ERCC6: variants seen among roughly 807,000 people sequenced by gnomAD.
The protein encoded by ERCC6 is ERCC excision repair 6, chromatin remodeling factor.
In ERCC6, 116 loss-of-function variants were observed where a neutral mutation model predicts 158.7. That is an observed-to-expected ratio of 0.73 (90% CI 0.63 to 0.85). The LOEUF is 0.85. ERCC6 is among the 40% of genes least tolerant of loss of function. The pLI is 0.00. For missense variants in ERCC6, 1,698 were observed against 1,799.4 expected (o/e 0.94, Z 1.02); for synonymous variants, 678 against 659.3 (o/e 1.03, Z -0.43).
chr10:49,510,720 G>C (rs1256289391), intron 5 of ERCC6, among the ~76,000 whole-genome samples: 1 of 152,186 alleles, frequency 6.6e-6, no homozygotes, highest in Non-Finnish European at 1.5e-5. Context: ...AGTGCTGAAT[G>C]AATGAATGAA....
chr10:49,527,663 C>T (rs1156556907), intron 4 of ERCC6, among the ~76,000 whole-genome samples: 1 of 152,118 alleles, frequency 6.6e-6, no homozygotes, highest in African/African-American at 2.4e-5. Context: ...GCAACAAGAA[C>T]GAAACTCTGT....
In ERCC6 at chr10:49,470,243, C is replaced by T. The variant is rs1205401877; in HGVS notation, c.3717G>A (p.Lys1239=). The change falls in exon 18 of 21, where the codon AAG becomes AAA. Residue 1239 remains lysine (K), a synonymous_variant. Coordinates refer to ENST00000355832, the MANE Select transcript of ERCC6 (RefSeq NM_000124.4). ...RRYQKQDSEN[K]SEAKEQSNDD... ...CATTGCTCTGTTCCTTGGCCTCACTCTTGTTTTCACTGTCTTGCTTCTGGT... is the reference window on the plus strand; with the variant it reads ...CATTGCTCTGTTCCTTGGCCTCACTTTTGTTTTCACTGTCTTGCTTCTGGT... 1 of 1,614,174 alleles carries T rather than the reference C, an allele frequency of 6.2e-7. No homozygotes were observed. The highest frequency in any genetic ancestry group is 2.2e-5 in the East Asian group (1 of 44,884).
At chr10:49,440,820 T>A in the ERCC6 span, among the ~76,000 whole-genome samples, 2 of 152,156 alleles carry the variant, frequency 1.3e-5, no homozygotes, top group Admixed American at 1.3e-4. Context: ...GCAGGCATGG[T>A]GGGCACTACT....
At position 49,458,444 on chromosome 10, in the gene ERCC6, C is replaced by A; in HGVS notation, c.*371G>T. ...GACTGAATGTAAGACCTGTTTTTAG[C>A]ACCAATAAAAAAAAATATTGAGATT... On this transcript the variant is annotated 3_prime_UTR_variant, in exon 21 of 21. Transcript: ENST00000355832. 1 of 255,896 alleles carries A rather than the reference C, an allele frequency of 3.9e-6. No homozygotes were observed. The highest frequency in any genetic ancestry group is 4.8e-5 in the South Asian group (1 of 20,730). 15.9% of individuals were successfully genotyped at this position (255,896 alleles called of 1,614,324 possible).
At chr10:49,491,651 C>A (rs1190207905) in intron 8 of ERCC6, among the ~76,000 whole-genome samples, 2 of 152,132 alleles carry the variant, frequency 1.3e-5, no homozygotes. Context: ...GTGGTTTACA[C>A]GAAGGCAGTT....
rs550859881 is a variant in ERCC6 at position 49,527,861 on chromosome 10, CAT to C, written c.652+554_652+555del. ...CCAACAATTTGTACACACACACACACATACACACACACAATGACTGCAAAGAT... is the reference window on the plus strand; with the variant it reads ...CCAACAATTTGTACACACACACACACACACACACACAATGACTGCAAAGAT... On this transcript the variant is annotated intron_variant, in intron 4 of 20. Transcript: ENST00000355832. 2.5e-4 allele frequency among the ~76,000 whole-genome samples: 38 copies of C among 152,286 alleles called. 1 individual carries two copies. Among genetic ancestry groups the C allele is most frequent in the South Asian group, 1.9e-3 (9 of 4,824 alleles).
intron 5 of ERCC6, among the ~76,000 whole-genome samples, chr10:49,518,057 T>C (rs1335803377): frequency 1.3e-5 from 2 of 152,190 alleles, no homozygotes; most frequent in Non-Finnish European, 2.9e-5. Flanking sequence ...CAGCCTAAAA[T>C]TGCTAAATCC....
chr10:49,488,636 C>T (rs1017842060), intron 8 of ERCC6, among the ~76,000 whole-genome samples: 1 of 147,002 alleles, frequency 6.8e-6, no homozygotes, highest in African/African-American at 2.5e-5. Context: ...ATAATGTGGC[C>T]TCTTTCTTTT....
chr10:49,441,351 G>C, the ERCC6 span, among the ~76,000 whole-genome samples: 1 of 152,170 alleles, frequency 6.6e-6, no homozygotes, highest in Non-Finnish European at 1.5e-5. Context: ...TATGGAGGCC[G>C]AGGAAAACCC....
intron 8 of ERCC6, chr10:49,488,147 GC>G (rs1372603492): frequency 4.6e-6 from 1 of 216,148 alleles, no homozygotes; most frequent in Non-Finnish European, 9.9e-6. Context: ...TCTGCAATTA[GC>G]CTGACTTACT....
At position 49,512,549 on chromosome 10, in the gene ERCC6, C is replaced by T. The variant is rs150405562; in HGVS notation, c.1398-6537G>A. Among the ~76,000 whole-genome samples the T allele has an allele frequency of 2.9e-3, 435 of 152,240 alleles. 6 individuals are homozygous for T. The highest frequency in any genetic ancestry group is 0.02 in the Middle Eastern group (6 of 294). ...TATTTTAAAAAAGTATGAAAGGTAC[C>T]AAAAGCATAACATCAATAAAACAAA... is the stretch of plus-strand genomic sequence containing the variant. On this transcript the variant is annotated intron_variant, in intron 5 of 20. Coordinates refer to ENST00000355832, the MANE Select transcript of ERCC6 (RefSeq NM_000124.4).
the ERCC6 span, among the ~76,000 whole-genome samples, chr10:49,445,253 C>T: frequency 1.3e-5 from 2 of 152,332 alleles, 1 homozygote; most frequent in South Asian, 4.1e-4. Flanking sequence ...ACATGCAAAG[C>T]ATTCCTCATT....
At chr10:49,479,646 C>T (rs1212825612) in intron 10 of ERCC6, among the ~76,000 whole-genome samples, 2 of 152,162 alleles carry the variant, frequency 1.3e-5, no homozygotes, top group Non-Finnish European at 1.5e-5. Context: ...TGAGGAAGCA[C>T]GAATGTACAG....
intron 6 of ERCC6, 109 bp from the exon 7 acceptor site, chr10:49,500,805 G>T: frequency 8.6e-7 from 1 of 1,160,066 alleles, no homozygotes; most frequent in Non-Finnish European, 1.3e-6. Flanking sequence ...TCTAGTACCA[G>T]TCAGAGAAAC....
intron 2 of ERCC6, among the ~76,000 whole-genome samples, chr10:49,532,157 G>A (rs1349361856): frequency 6.6e-6 from 1 of 152,212 alleles, no homozygotes; most frequent in African/African-American, 2.4e-5. Context: ...CAGTAAGCTA[G>A]AAAGAAGCTA....
chr10:49,480,701 T>C (rs1441272585), intron 10 of ERCC6, among the ~76,000 whole-genome samples: 1 of 152,132 alleles, frequency 6.6e-6, no homozygotes, highest in African/African-American at 2.4e-5. Context: ...GTAATCAGAG[T>C]TAACATCACC....
intron 8 of ERCC6, among the ~76,000 whole-genome samples, chr10:49,489,693 G>A (rs1851138372): frequency 1.3e-5 from 2 of 152,048 alleles, no homozygotes. Context: ...AGAGACAACT[G>A]TTTCAGAACA....
the ERCC6 span, among the ~76,000 whole-genome samples, chr10:49,438,103 C>G: frequency 6.6e-6 from 1 of 151,526 alleles, no homozygotes; most frequent in Non-Finnish European, 1.5e-5. Flanking sequence ...TCCAACCACA[C>G]TGCAGATCCA....
chr10:49,509,824 A>G (rs1172246739), intron 5 of ERCC6, among the ~76,000 whole-genome samples: 6 of 152,166 alleles, frequency 3.9e-5, no homozygotes, highest in African/African-American at 7.2e-5. Flanking sequence ...TAGAAAACAA[A>G]TAACTTTTTC....
Sources: gnomAD v4.1 joint callset for allele counts (sites outside exome capture counted in the v4.1 genomes callset) on GRCh38, gnomAD v4.1.1 for gene constraint, MANE v1.5 for transcripts, NCBI Gene and HGNC (gene_info 2026-07-23, HGNC 2026-07-21) for gene names.